CNBD2: variants seen among roughly 807,000 people sequenced by gnomAD.
The protein encoded by CNBD2 is cyclic nucleotide-binding domain-containing protein 2.
CNBD2 carries 64 observed loss-of-function variants against 63.7 expected under a neutral mutation model. The ratio of observed to expected loss-of-function variants is 1.00; its 90% CI spans 0.82 to 1.24. The LOEUF (loss-of-function observed/expected upper bound fraction) is 1.24. Ranked by LOEUF, CNBD2 falls within the 50% of genes most tolerant of loss-of-function variation. The pLI is 0.00. For synonymous variants in CNBD2, 229 were observed against 255.4 expected (o/e 0.90, Z 0.99); for missense variants, 691 against 713.5 (o/e 0.97, Z 0.36).
intron 8 of CNBD2, among the ~76,000 whole-genome samples, chr20:36,003,902 G>GC (rs1302428829): frequency 1.3e-5 from 2 of 151,556 alleles, no homozygotes; most frequent in Non-Finnish European, 2.9e-5. Flanking sequence ...TCTTGAGGTT[G>GC]CCATTGTCAG....
rs573519666 is a variant in CNBD2 at position 35,988,524 on chromosome 20, G to A, written c.855+991G>A. 2.0e-5 allele frequency among the ~76,000 whole-genome samples: 3 copies of A among 152,226 alleles called. No individual in the cohort carries two copies. The South Asian group carries it at 6.2e-4, about 32-fold the overall frequency. ...TATGACCACATTAGGAAACTTTCTG[G>A]AAAAAGGGAAGAAATCATCCATAAA... On this transcript the variant is annotated intron_variant, in intron 7 of 11. Transcript: ENST00000373973.
At chr20:36,012,612 G>A (rs61584647) in intron 10 of CNBD2, among the ~76,000 whole-genome samples, 1 of 152,104 alleles carries the variant, frequency 6.6e-6, no homozygotes, top group East Asian at 1.9e-4. Flanking sequence ...GGCCACCTGA[G>A]GTTGGGAGTT....
intron 8 of CNBD2, among the ~76,000 whole-genome samples, chr20:35,997,287 T>G (rs573603911): frequency 1.3e-5 from 2 of 152,206 alleles, no homozygotes; most frequent in South Asian, 2.1e-4. Flanking sequence ...TGGGGCCTCC[T>G]CCCCAAGGAT....
At chr20:36,013,534 T>C (rs549208667) in intron 10 of CNBD2, among the ~76,000 whole-genome samples, 4 of 151,542 alleles carry the variant, frequency 2.6e-5, no homozygotes, top group Non-Finnish European at 4.4e-5. Context: ...TGTGAAGGAG[T>C]TGGGGGGAAA....
intron 8 of CNBD2, among the ~76,000 whole-genome samples, chr20:36,006,468 G>A (rs956125205): frequency 9.9e-5 from 15 of 152,188 alleles, no homozygotes; most frequent in African/African-American, 3.4e-4. Context: ...CCAGTCTGGA[G>A]TGCAGTGGCA....
At position 36,008,432 on chromosome 20, in the gene CNBD2, C is replaced by A; in HGVS notation, c.1106C>A (p.Thr369Asn). Residue 369 changes from threonine (T) to asparagine (N), a missense_variant, in exon 9 of 12, where the codon ACC (threonine) becomes AAC (asparagine). Thr to Asn is a moderately conservative substitution (Grantham distance 65). Transcript: ENST00000373973. Reference sequence around the variant, plus strand: ...ACAAGCTTCAGCAGGAAGATCAGAACCTCAGGAGACACTCTCCCCAAGATG... The same window carrying A: ...ACAAGCTTCAGCAGGAAGATCAGAAACTCAGGAGACACTCTCCCCAAGATG... ...QGTSFSRKIR[T>N]SGDTLPKMLG... is the part of the protein sequence containing the mutation. The A allele has an allele frequency of 6.2e-7, 1 of 1,613,824 alleles. No homozygotes were observed. Among genetic ancestry groups the A allele is most frequent in the Non-Finnish European group, 8.5e-7 (1 of 1,179,954 alleles).
At chr20:35,988,565 TAG>T (rs1038975321) in intron 7 of CNBD2, among the ~76,000 whole-genome samples, 24 of 152,016 alleles carry the variant, frequency 1.6e-4, no homozygotes, top group African/African-American at 5.8e-4. Context: ...CATCTCAGAG[TAG>T]AGTTTCAAAA....
chr20:35,954,504 T>A (rs1432149064), upstream of CNBD2: 1 of 1,536,894 alleles, frequency 6.5e-7, no homozygotes, highest in South Asian at 1.2e-5. Context: ...CTTCTCTGCG[T>A]CCAGGTCGGC....
rs1409166538 is a variant in CNBD2 at position 35,984,659 on chromosome 20, G to T, written c.597G>T (p.Arg199Ser). ...EMDVLHASVR[R>S]STIVCMEETE... Reference sequence around the variant, plus strand: ...ACGTTCTGCATGCTTCAGTGAGGAGGTCCACCATCGTCTGTATGGAAGAAA... The same window carrying T: ...ACGTTCTGCATGCTTCAGTGAGGAGTTCCACCATCGTCTGTATGGAAGAAA... The change falls in exon 6 of 12, where the codon AGG becomes AGT. Residue 199 changes from arginine (R) to serine (S), a missense_variant. By Grantham distance (110) the Arg-to-Ser change is moderately radical. Coordinates refer to ENST00000373973, the MANE Select transcript of CNBD2 (RefSeq NM_001365709.1). 1.2e-6 allele frequency: 2 copies of T among 1,614,152 alleles called. No homozygotes were observed. The highest frequency in any genetic ancestry group is 1.7e-6 in the Non-Finnish European group (2 of 1,180,022).
chr20:35,978,688 T>C (rs151089113), intron 3 of CNBD2, among the ~76,000 whole-genome samples: 268 of 152,218 alleles, frequency 1.8e-3, no homozygotes, highest in African/African-American at 6.3e-3. Flanking sequence ...ATGAGGGTCT[T>C]GCCATATTGC....
chr20:35,957,914 C>G (rs1332356597), downstream of CNBD2: 1 of 152,150 alleles, frequency 6.6e-6, no homozygotes, highest in Non-Finnish European at 1.5e-5. Flanking sequence ...GCTTCCAACA[C>G]AAGGCCTGAC....
chr20:36,023,526 A>G (rs945940133), intron 10 of CNBD2, 76 bp from the exon 11 acceptor site: 2 of 1,300,954 alleles, frequency 1.5e-6, no homozygotes, highest in Non-Finnish European at 2.0e-6. Flanking sequence ...AAAAAAATAA[A>G]AGAAAAAAAA....
In CNBD2 at chr20:35,984,843, G is replaced by A. The variant is rs1478921030; in HGVS notation, c.716+65G>A. 1.1e-5 allele frequency: 17 copies of A among 1,533,032 alleles called. No homozygotes were observed. In the Admixed American group the frequency reaches 2.9e-4, roughly 26 times the overall value. 95.0% of individuals were successfully genotyped at this position (1,533,032 alleles called of 1,614,324 possible). On this transcript the variant is annotated intron_variant, in intron 6 of 11. Transcript: ENST00000373973. ...GTTTATTAGCTGCCTGACTTTGTCT[G>A]TCCTAGGCCTGGTGGGAAACATACT...
rs577067394 is a variant in CNBD2 at position 35,992,062 on chromosome 20, G to A, written c.856-2976G>A. 2.0e-5 allele frequency among the ~76,000 whole-genome samples: 3 copies of A among 152,234 alleles called. No homozygotes were observed. In the South Asian group the frequency reaches 6.2e-4, roughly 32 times the overall value. Reference sequence around the variant, plus strand: ...GGCCTGGCTAATTTTTGTATTTTTAGTAGAGATGGGATTTCACCATGTTGG... The same window carrying A: ...GGCCTGGCTAATTTTTGTATTTTTAATAGAGATGGGATTTCACCATGTTGG... On this transcript the variant is annotated intron_variant, in intron 7 of 11. Coordinates refer to ENST00000373973, the MANE Select transcript of CNBD2 (RefSeq NM_001365709.1).
chr20:36,013,129 A>C (rs1195121569), intron 10 of CNBD2, among the ~76,000 whole-genome samples: 2 of 152,062 alleles, frequency 1.3e-5, no homozygotes, highest in East Asian at 3.9e-4. Context: ...TAAAAAAGAA[A>C]AAAAATCAGC....
At chr20:36,015,677 A>G (rs545999792) in intron 10 of CNBD2, among the ~76,000 whole-genome samples, 1 of 152,354 alleles carries the variant, frequency 6.6e-6, no homozygotes, top group East Asian at 1.9e-4. Flanking sequence ...AGATCTCCCA[A>G]TGGTCAAAGC....
At chr20:36,022,840 A>G (rs2057235449) in intron 10 of CNBD2, among the ~76,000 whole-genome samples, 1 of 150,406 alleles carries the variant, frequency 6.6e-6, no homozygotes, top group Non-Finnish European at 1.5e-5. Flanking sequence ...GGCTGGTCTC[A>G]AACTCCTGGG....
At chr20:35,984,537 GGGAAGATGGAGGCAC>G in intron 5 of CNBD2, 75 bp from the exon 6 acceptor site, 1 of 1,380,510 alleles carries the variant, frequency 7.2e-7, no homozygotes, top group Admixed American at 2.1e-5. Context: ...AGAATTCAGG[GGGAAGATGGAGGCAC>G]GGAAGATGTG....
chr20:35,960,690 CCTCTT>C (rs1314841598), intron 2 of CNBD2, among the ~76,000 whole-genome samples: 1 of 150,572 alleles, frequency 6.6e-6, no homozygotes, highest in African/African-American at 2.4e-5. Flanking sequence ...CTGCCATACT[CCTCTT>C]CTCTTCCCTT....
Sources: gnomAD v4.1 joint callset for allele counts (sites outside exome capture counted in the v4.1 genomes callset) on GRCh38, gnomAD v4.1.1 for gene constraint, MANE v1.5 for transcripts, NCBI Gene and HGNC (gene_info 2026-07-23, HGNC 2026-07-21) for gene names.